The following SLC17A6 variants were observed in gnomAD, a reference collection of about 807,000 sequenced individuals.
The protein encoded by SLC17A6 is vesicular glutamate transporter 2.
Under a neutral mutation model 67.1 loss-of-function variants are expected in SLC17A6, and 35 were observed. That is an observed-to-expected ratio of 0.52 (90% CI 0.40 to 0.69). The LOEUF (loss-of-function observed/expected upper bound fraction) is 0.69, where lower values mean the gene tolerates loss of function less well. Among genes scored for constraint, SLC17A6 ranks in the 30% least tolerant of loss-of-function variants. The probability of loss-of-function intolerance (pLI) is 0.00; values close to 1 mark genes in which losing one functional copy is unlikely to be tolerated. For synonymous variants in SLC17A6, 285 were observed against 252.3 expected (o/e 1.13, Z -1.23); for missense variants, 588 against 723.9 (o/e 0.81, Z 2.15).
chr11:22,343,608 G>T (rs948325482), intron 3 of SLC17A6, among the ~76,000 whole-genome samples: 1 of 152,188 alleles, frequency 6.6e-6, no homozygotes, highest in African/African-American at 2.4e-5. Flanking sequence ...TGCTGTGGCT[G>T]AACTTGCTTT....
chr11:22,345,620 T>TC (rs1205018856), intron 3 of SLC17A6, among the ~76,000 whole-genome samples: 1 of 152,190 alleles, frequency 6.6e-6, no homozygotes, highest in Admixed American at 6.5e-5. Context: ...AAAATTAAAT[T>TC]AAAAATGTAT....
intron 8 of SLC17A6, among the ~76,000 whole-genome samples, chr11:22,373,318 A>T (rs180990714): frequency 3.3e-5 from 5 of 152,346 alleles, no homozygotes; most frequent in African/African-American, 9.6e-5. Context: ...TTCTATACAA[A>T]TCCTAACATA....
chr11:22,370,195 A>T lies in SLC17A6; in HGVS notation c.1041+7A>T. 1.3e-6 allele frequency: 2 copies of T among 1,595,812 alleles called. No individual in the cohort carries two copies. Among genetic ancestry groups the T allele is most frequent in the Non-Finnish European group, 8.5e-7 (1 of 1,173,564 alleles). ...TGGATTTGAAATTAGCAAGGTATGT[A>T]AAATGTATTCTTATATAAATTGTGG... On this transcript the variant is annotated splice_region_variant and intron_variant, in intron 8 of 11. Coordinates refer to ENST00000263160, the MANE Select transcript of SLC17A6 (RefSeq NM_020346.3).
At chr11:22,374,129 T>C (rs1856204411) in intron 8 of SLC17A6, among the ~76,000 whole-genome samples, 1 of 152,214 alleles carries the variant, frequency 6.6e-6, no homozygotes, top group African/African-American at 2.4e-5. Context: ...GTTTAACTGA[T>C]CTTGGTGCGT....
Position 22,360,385 on chromosome 11 carries a change from C to T in SLC17A6, c.574-512C>T, listed in dbSNP as rs371736495. ...GAGCTAATGAATGCTGGGCTTAATA[C>T]GTAGGTGATGGGTTGATAGGTCCAG... is the stretch of plus-strand genomic sequence containing the variant. On this transcript the variant is annotated intron_variant, in intron 4 of 11. Coordinates refer to ENST00000263160, the MANE Select transcript of SLC17A6 (RefSeq NM_020346.3). Among the ~76,000 whole-genome samples the T allele has an allele frequency of 3.1e-4, 47 of 151,866 alleles. No homozygotes were observed. In the East Asian group the frequency reaches 8.8e-3, roughly 28 times the overall value.
At chr11:22,343,415 C>A (rs867460196) in intron 3 of SLC17A6, 50 bp downstream of exon 3, 11 of 1,485,584 alleles carry the variant, frequency 7.4e-6, no homozygotes, top group South Asian at 2.4e-5. Context: ...TTGTTTCCTC[C>A]GAAGGGGCAG....
intron 5 of SLC17A6, 141 bp downstream of exon 5, chr11:22,361,125 C>T (rs543660108): frequency 1.1e-5 from 6 of 563,376 alleles, no homozygotes; most frequent in African/African-American, 1.9e-5. Flanking sequence ...TTTTGACCAC[C>T]ATTTCCATTT....
At chr11:22,359,247 T>G (rs1456610177) in intron 3 of SLC17A6, among the ~76,000 whole-genome samples, 166 bp from the exon 4 acceptor site, 3 of 152,218 alleles carry the variant, frequency 2.0e-5, no homozygotes. Flanking sequence ...ATATTCACAA[T>G]GGCTAGCCTG....
intron 3 of SLC17A6, among the ~76,000 whole-genome samples, chr11:22,355,148 A>G (rs1855982277): frequency 1.3e-5 from 2 of 152,206 alleles, no homozygotes; most frequent in African/African-American, 2.4e-5. Context: ...ATGAGAAATG[A>G]GGAACAGAAA....
At chr11:22,362,589 G>A (rs2133870901) in intron 5 of SLC17A6, 150 bp from the exon 6 acceptor site, 1 of 648,120 alleles carries the variant, frequency 1.5e-6, no homozygotes. Context: ...AGACATATAT[G>A]TGTTTGGTGA....
Position 22,359,426 on chromosome 11 carries a change from G to A in SLC17A6, c.472G>A (p.Ala158Thr). The change falls in exon 4 of 12, where the codon GCC (alanine) becomes ACC (threonine). Residue 158 changes from alanine (A) to threonine (T), a missense_variant. By Grantham distance (58) the Ala-to-Thr change is moderately conservative. Coordinates refer to ENST00000263160, the MANE Select transcript of SLC17A6 (RefSeq NM_020346.3). The part of the protein sequence containing the change: ...RLAANRVFGA[A>T]ILLTSTLNML... ...TTTCTATTTCAGGGTTTTCGGAGCT[G>A]CCATACTTCTTACCTCTACCCTAAA... The A allele has an allele frequency of 6.3e-7, 1 of 1,579,570 alleles. No homozygotes were observed. Among genetic ancestry groups the A allele is most frequent in the Non-Finnish European group, 8.6e-7 (1 of 1,162,474 alleles).
In SLC17A6 at chr11:22,341,591, A is replaced by C; in HGVS notation, c.150A>C (p.Leu50=). 1 of 1,614,068 alleles carries C rather than the reference A, an allele frequency of 6.2e-7. No individual in the cohort carries two copies. Among genetic ancestry groups the C allele is most frequent in the Non-Finnish European group, 8.5e-7 (1 of 1,180,024 alleles). The change falls in exon 2 of 12, where the codon CTA becomes CTC. Residue 50 remains leucine (L), a synonymous_variant. Transcript: ENST00000263160. ...TIELTEDGKP[L]EVPERKAPLC... ...AGCTGACGGAGGATGGGAAGCCCCT[A>C]GAGGTGCCCGAGAGGAAGGCGCCGC...
chr11:22,361,141 G>T, intron 5 of SLC17A6, 157 bp downstream of exon 5: 8 of 534,878 alleles, frequency 1.5e-5, no homozygotes, highest in Admixed American at 3.3e-5. Context: ...CATTTCTTTA[G>T]TTTTATTGTT....
chr11:22,349,618 T>C (rs1330723988), intron 3 of SLC17A6, among the ~76,000 whole-genome samples: 4 of 152,096 alleles, frequency 2.6e-5, no homozygotes, highest in Non-Finnish European at 4.4e-5. Flanking sequence ...GGGAGAGACA[T>C]GATTTGAGGA....
intron 3 of SLC17A6, among the ~76,000 whole-genome samples, chr11:22,356,325 G>C (rs1855992883): frequency 1.3e-5 from 2 of 152,094 alleles, no homozygotes; most frequent in Admixed American, 1.3e-4. Flanking sequence ...CTTCAATTTT[G>C]GCTGTGTGGC....
rs760879211 is a variant in SLC17A6, at chr11:22,365,570, A to T, written c.772A>T (p.Met258Leu). The change falls in exon 7 of 12, where the codon ATG (methionine) becomes TTG (leucine). Residue 258 changes from methionine to leucine, a missense_variant. Met to Leu is a conservative substitution (Grantham distance 15). Coordinates refer to ENST00000263160, the MANE Select transcript of SLC17A6 (RefSeq NM_020346.3). Reference sequence around the variant, plus strand: ...AGGAAGCTTTGGAATGGTCTGGTACATGTTTTGGCTTTTGGTGTCTTATGA... The same window carrying T: ...AGGAAGCTTTGGAATGGTCTGGTACTTGTTTTGGCTTTTGGTGTCTTATGA... ...VYGSFGMVWY[M>L]FWLLVSYESP... 6.2e-7 allele frequency: 1 copy of T among 1,613,900 alleles called. No individual in the cohort carries two copies. Among genetic ancestry groups the T allele is most frequent in the African/African-American group, 1.3e-5 (1 of 74,918 alleles).
At chr11:22,352,393 G>C (rs746185058) in intron 3 of SLC17A6, among the ~76,000 whole-genome samples, 3 of 152,220 alleles carry the variant, frequency 2.0e-5, no homozygotes, top group Non-Finnish European at 4.4e-5. Context: ...ACCCAGAACA[G>C]CAGTCTGTCC....
chr11:22,362,454 A>G (rs1564983743), intron 5 of SLC17A6, among the ~76,000 whole-genome samples: 1 of 152,210 alleles, frequency 6.6e-6, no homozygotes. Context: ...ACAGACATGC[A>G]GGACACATGC....
intron 3 of SLC17A6, among the ~76,000 whole-genome samples, chr11:22,351,941 G>A (rs182054529): frequency 6.6e-6 from 1 of 151,246 alleles, no homozygotes; most frequent in Non-Finnish European, 1.5e-5. Flanking sequence ...CCTTCTGTCT[G>A]CTAATATACA....
Sources: gnomAD v4.1 joint callset for allele counts (sites outside exome capture counted in the v4.1 genomes callset) on GRCh38, gnomAD v4.1.1 for gene constraint, MANE v1.5 for transcripts, NCBI Gene and HGNC (gene_info 2026-07-23, HGNC 2026-07-21) for gene names.